Variants in PTPRD observed in about 807,000 individuals in gnomAD.
PTPRD encodes the protein protein tyrosine phosphatase receptor type D, also known as receptor-type tyrosine-protein phosphatase delta.
PTPRD carries 34 observed loss-of-function variants against 214.5 expected under a neutral mutation model. The ratio of observed to expected loss-of-function variants is 0.16; its 90% CI spans 0.12 to 0.21. The LOEUF (loss-of-function observed/expected upper bound fraction) is 0.21. PTPRD is among the 10% of genes least tolerant of loss of function. The pLI, the probability that PTPRD is intolerant of heterozygous loss-of-function variation, is 1.00. For missense variants in PTPRD, 2,545 were observed against 2,398.7 expected, an observed-to-expected ratio of 1.06 and a Z score of -1.27; for synonymous variants, 1,128 against 845.7, an observed-to-expected ratio of 1.33 and a Z score of -5.79.
chr9:9,348,364 T>C (rs1321525761), intron 9 of PTPRD, among the ~76,000 whole-genome samples: 1 of 152,152 alleles, frequency 6.6e-6, no homozygotes, highest in Non-Finnish European at 1.5e-5. Flanking sequence ...CCAACATTTA[T>C]TTTCAATAAA....
intron 7 of PTPRD, among the ~76,000 whole-genome samples, chr9:9,709,447 T>C (rs772021817): frequency 4.6e-5 from 7 of 151,992 alleles, no homozygotes; most frequent in Non-Finnish European, 1.0e-4. Flanking sequence ...AACACTCAGG[T>C]AGTAAACTAT....
chr9:10,585,883 C>T (rs1435754222), intron 2 of PTPRD, among the ~76,000 whole-genome samples: 1 of 151,928 alleles, frequency 6.6e-6, no homozygotes, highest in Non-Finnish European at 1.5e-5. Context: ...TTAAAAACAA[C>T]ATGCATGGGA....
At chr9:8,650,440 G>T (rs946900867) in intron 12 of PTPRD, among the ~76,000 whole-genome samples, 1 of 150,828 alleles carries the variant, frequency 6.6e-6, no homozygotes, top group African/African-American at 2.4e-5. Context: ...CAGGAGAATC[G>T]CTTGAACCTG....
At chr9:8,986,206 C>G (rs1358742488) in intron 11 of PTPRD, among the ~76,000 whole-genome samples, 1 of 151,964 alleles carries the variant, frequency 6.6e-6, no homozygotes, top group Admixed American at 6.6e-5. Context: ...GTATCTGTTT[C>G]TCAACTGTCT....
At chr9:9,957,879 G>T (rs1336024156) in intron 4 of PTPRD, among the ~76,000 whole-genome samples, 1 of 151,196 alleles carries the variant, frequency 6.6e-6, no homozygotes, top group Non-Finnish European at 1.5e-5. Context: ...ATAAGACAGG[G>T]TGAGAAAAAA....
At chr9:9,674,220 T>C (rs1025152832) in intron 7 of PTPRD, among the ~76,000 whole-genome samples, 11 of 151,820 alleles carry the variant, frequency 7.2e-5, no homozygotes, top group African/African-American at 2.7e-4. Context: ...CTGATAGGCA[T>C]TGTTCAGGTA....
At chr9:9,412,169 T>A (rs559629165) in intron 8 of PTPRD, among the ~76,000 whole-genome samples, 1 of 152,320 alleles carries the variant, frequency 6.6e-6, no homozygotes, top group African/African-American at 2.4e-5. Flanking sequence ...TGGCCAGAAT[T>A]ACCTAGAGTC....
At chr9:10,344,497 T>G (rs953790206) in intron 2 of PTPRD, among the ~76,000 whole-genome samples, 1 of 152,164 alleles carries the variant, frequency 6.6e-6, no homozygotes, top group Admixed American at 6.5e-5. Context: ...TGCTTAGGAT[T>G]GTCTTGGCAA....
rs561058439 is a variant in PTPRD, at chr9:9,727,293, T to A, written c.-287+7240A>T. Reference sequence around the variant, plus strand: ...ACTGAAACCCCATTTCTACTAAAAATACAAAAAGTTAGCCAGGCGTGATGG... The same window carrying A: ...ACTGAAACCCCATTTCTACTAAAAAAACAAAAAGTTAGCCAGGCGTGATGG... On this transcript the variant is annotated intron_variant, in intron 7 of 45. Transcript: ENST00000381196. Among the ~76,000 whole-genome samples, 11 of 151,978 alleles carry A rather than the reference T, an allele frequency of 7.2e-5. No homozygotes were observed. In the East Asian group the frequency reaches 2.1e-3, roughly 30 times the overall value.
intron 11 of PTPRD, among the ~76,000 whole-genome samples, chr9:8,991,275 T>A (rs1286203786): frequency 1.3e-5 from 2 of 151,518 alleles, no homozygotes; most frequent in Non-Finnish European, 2.9e-5. Flanking sequence ...TTGATCTTCA[T>A]CCTGAAAGCT....
chr9:8,731,605 C>T (rs1295150747), intron 12 of PTPRD, among the ~76,000 whole-genome samples: 2 of 152,134 alleles, frequency 1.3e-5, no homozygotes, highest in African/African-American at 4.8e-5. Context: ...TAATCTGGAT[C>T]CTATTTTACC....
intron 3 of PTPRD, among the ~76,000 whole-genome samples, chr9:10,270,762 T>G (rs78042375): frequency 0.012 from 1,868 of 152,330 alleles, 46 homozygotes; most frequent in African/African-American, 0.042. Context: ...ATAGACTATT[T>G]TCTGATCCTA....
At chr9:10,530,263 A>T in intron 2 of PTPRD, among the ~76,000 whole-genome samples, 1 of 142,202 alleles carries the variant, frequency 7.0e-6, no homozygotes, top group South Asian at 2.5e-4. Flanking sequence ...TAGGTTTTAT[A>T]CTTAGTTCAT....
intron 7 of PTPRD, among the ~76,000 whole-genome samples, chr9:9,592,077 C>T (rs1202510001): frequency 1.3e-5 from 2 of 151,874 alleles, no homozygotes; most frequent in African/African-American, 4.8e-5. Context: ...TTTCTTAAGG[C>T]TTTTTTCAAT....
chr9:9,073,787 C>A (rs1368393073), intron 10 of PTPRD, among the ~76,000 whole-genome samples: 3 of 151,990 alleles, frequency 2.0e-5, no homozygotes, highest in African/African-American at 7.3e-5. Context: ...TCTGAAAAAC[C>A]CTGACTAATA....
At chr9:9,153,480 T>A (rs1038023316) in intron 10 of PTPRD, among the ~76,000 whole-genome samples, 12 of 152,180 alleles carry the variant, frequency 7.9e-5, no homozygotes, top group African/African-American at 2.9e-4. Flanking sequence ...AACATTTACA[T>A]AAAAATTATG....
chr9:8,489,989 T>C (rs1042589713), intron 27 of PTPRD, among the ~76,000 whole-genome samples: 3 of 152,218 alleles, frequency 2.0e-5, no homozygotes, highest in Non-Finnish European at 4.4e-5. Flanking sequence ...TCAGGTGGAA[T>C]AGATTGTGCA....
chr9:8,871,745 T>A (rs1897677), intron 11 of PTPRD, among the ~76,000 whole-genome samples: 49,451 of 151,900 alleles, frequency 0.33, 8,357 homozygotes, highest in East Asian at 0.51. Flanking sequence ...AAAGACAAAA[T>A]TTATGACAAA....
chr9:8,483,665 G>A (rs771586574), intron 30 of PTPRD, among the ~76,000 whole-genome samples: 2 of 152,144 alleles, frequency 1.3e-5, no homozygotes, highest in Non-Finnish European at 2.9e-5. Context: ...GGCAATCCCA[G>A]CTACTTGTGA....
Sources: gnomAD v4.1 joint callset for allele counts (sites outside exome capture counted in the v4.1 genomes callset) on GRCh38, gnomAD v4.1.1 for gene constraint, MANE v1.5 for transcripts, NCBI Gene and HGNC (gene_info 2026-07-23, HGNC 2026-07-21) for gene names.